DLG2: variants seen among roughly 807,000 people sequenced by gnomAD.
DLG2 encodes discs large MAGUK scaffold protein 2.
In DLG2, 45 loss-of-function variants were observed where a neutral mutation model predicts 132.5. The ratio of observed to expected loss-of-function variants is 0.34; its 90% CI spans 0.27 to 0.44. DLG2 has a LOEUF of 0.44. DLG2 is among the 20% of genes least tolerant of loss of function. The pLI, the probability that DLG2 is intolerant of heterozygous loss-of-function variation, is 1.00. For synonymous variants in DLG2, 424 were observed against 419.6 expected (o/e 1.01, Z -0.13); for missense variants, 1,045 against 1,196.9 (o/e 0.87, Z 1.87).
intron 7 of DLG2, among the ~76,000 whole-genome samples, chr11:84,523,829 C>A (rs1293919331): frequency 6.6e-6 from 1 of 152,154 alleles, no homozygotes; most frequent in African/African-American, 2.4e-5. Context: ...TAACACTTAT[C>A]TAGAATTTTC....
At chr11:83,538,380 C>T (rs1045441857) in intron 20 of DLG2, among the ~76,000 whole-genome samples, 1 of 152,218 alleles carries the variant, frequency 6.6e-6, no homozygotes, top group African/African-American at 2.4e-5. Context: ...CAAACCTTTG[C>T]AGTTGCTCAT....
At chr11:84,769,825 C>T (rs1413983799) in intron 6 of DLG2, among the ~76,000 whole-genome samples, 1 of 152,140 alleles carries the variant, frequency 6.6e-6, no homozygotes, top group Non-Finnish European at 1.5e-5. Flanking sequence ...GGTGCCTATT[C>T]CTAAAGAAAA....
intron 16 of DLG2, among the ~76,000 whole-genome samples, chr11:83,852,280 G>A (rs1213250780): frequency 6.6e-6 from 1 of 152,214 alleles, no homozygotes; most frequent in Non-Finnish European, 1.5e-5. Flanking sequence ...CCTGCCTAGA[G>A]GGGCAAAAGG....
chr11:85,607,848 G>A (rs550309203), intron 2 of DLG2, among the ~76,000 whole-genome samples: 1 of 152,290 alleles, frequency 6.6e-6, no homozygotes, highest in East Asian at 1.9e-4. Flanking sequence ...CTCAGGGTAT[G>A]GCCCTCCACT....
At chr11:84,674,074 T>A (rs2099708824) in intron 6 of DLG2, among the ~76,000 whole-genome samples, 1 of 152,160 alleles carries the variant, frequency 6.6e-6, no homozygotes, top group South Asian at 2.1e-4. Flanking sequence ...AAAACTTTTC[T>A]AGAACTGAAA....
chr11:84,606,409 A>G (rs2099585779), intron 6 of DLG2, among the ~76,000 whole-genome samples: 1 of 152,116 alleles, frequency 6.6e-6, no homozygotes, highest in Non-Finnish European at 1.5e-5. Context: ...CCAAAATATA[A>G]ATTATAATTG....
In DLG2 at chr11:84,894,268, G is replaced by A. The variant is rs534862191; in HGVS notation, c.357+217393C>T. Among the ~76,000 whole-genome samples, 37 of 152,156 alleles carry A rather than the reference G, an allele frequency of 2.4e-4. 2 individuals carry two copies. Among genetic ancestry groups the A allele is most frequent in the African/African-American group, 8.2e-4 (34 of 41,508 alleles). On this transcript the variant is annotated intron_variant, in intron 6 of 27. Coordinates refer to ENST00000376104, the MANE Select transcript of DLG2 (RefSeq NM_001142699.3). ...TGTTAATCAGTGTATGTTCCTAGGA[G>A]GACAGTATTTAAAAAGCAGAAATCT...
chr11:84,767,928 C>G (rs2068666927), intron 6 of DLG2, among the ~76,000 whole-genome samples: 1 of 151,990 alleles, frequency 6.6e-6, no homozygotes, highest in Non-Finnish European at 1.5e-5. Flanking sequence ...CATGTATTAT[C>G]AGGAGAAATC....
At chr11:83,846,318 A>T (rs1335229603) in intron 16 of DLG2, among the ~76,000 whole-genome samples, 1 of 152,204 alleles carries the variant, frequency 6.6e-6, no homozygotes, top group Admixed American at 6.5e-5. Flanking sequence ...CTGGGAAGGA[A>T]CATGGATGCC....
At chr11:85,316,258 G>A (rs933874244) in intron 3 of DLG2, among the ~76,000 whole-genome samples, 2 of 151,910 alleles carry the variant, frequency 1.3e-5, no homozygotes, top group Non-Finnish European at 2.9e-5. Flanking sequence ...TGTCGCTAGT[G>A]TAATTAATTT....
intron 6 of DLG2, among the ~76,000 whole-genome samples, chr11:85,019,791 C>T (rs985317037): frequency 3.3e-5 from 5 of 152,278 alleles, no homozygotes; most frequent in South Asian, 4.1e-4. Flanking sequence ...CTACAAAGGA[C>T]ATGAACTCAT....
chr11:84,664,346 A>G (rs779923654), intron 6 of DLG2, among the ~76,000 whole-genome samples: 1 of 152,202 alleles, frequency 6.6e-6, no homozygotes, highest in Non-Finnish European at 1.5e-5. Flanking sequence ...ATTACAAATT[A>G]TATTTCAAAT....
At chr11:84,788,688 C>G (rs2073340105) in intron 6 of DLG2, among the ~76,000 whole-genome samples, 1 of 152,050 alleles carries the variant, frequency 6.6e-6, no homozygotes, top group South Asian at 2.1e-4. Context: ...TTACTTATCT[C>G]TCCTACTACA....
intron 6 of DLG2, among the ~76,000 whole-genome samples, chr11:84,568,628 G>A (rs1349354198): frequency 6.6e-6 from 1 of 152,148 alleles, no homozygotes; most frequent in Non-Finnish European, 1.5e-5. Flanking sequence ...TAGTATCTAT[G>A]CCCAGCCTTA....
At chr11:85,170,611 C>A (rs1170822635) in intron 4 of DLG2, among the ~76,000 whole-genome samples, 1 of 152,100 alleles carries the variant, frequency 6.6e-6, no homozygotes, top group African/African-American at 2.4e-5. Context: ...CCCAACACTA[C>A]AAAATTCAAG....
At chr11:84,888,800 G>T (rs1227764123) in intron 6 of DLG2, among the ~76,000 whole-genome samples, 3 of 152,002 alleles carry the variant, frequency 2.0e-5, no homozygotes, top group Non-Finnish European at 4.4e-5. Context: ...GGCTGGTTCT[G>T]CTATCATCTA....
At position 85,611,133 on chromosome 11, in the gene DLG2, C is replaced by T. The variant is rs578174071; in HGVS notation, c.-92-12345G>A. ...CTTACGCAGGCTCATGGGATGAACCCCCAACCAGTGGCATACCTAAGTAAG... is the reference window on the plus strand; with the variant it reads ...CTTACGCAGGCTCATGGGATGAACCTCCAACCAGTGGCATACCTAAGTAAG... On this transcript the variant is annotated intron_variant, in intron 2 of 27. Transcript: ENST00000376104. 2.0e-5 allele frequency among the ~76,000 whole-genome samples: 3 copies of T among 152,288 alleles called. No individual in the cohort carries two copies. In the South Asian group the frequency reaches 6.2e-4, roughly 32 times the overall value.
chr11:85,592,259 A>AT (rs2079406398), intron 3 of DLG2, among the ~76,000 whole-genome samples: 1 of 152,230 alleles, frequency 6.6e-6, no homozygotes, highest in African/African-American at 2.4e-5. Flanking sequence ...AACTATTATT[A>AT]TTCAATTGCA....
intron 10 of DLG2, among the ~76,000 whole-genome samples, chr11:84,095,923 C>T (rs1248056075): frequency 6.6e-6 from 1 of 151,980 alleles, no homozygotes; most frequent in Non-Finnish European, 1.5e-5. Flanking sequence ...GGCCCTGGCT[C>T]CAGGAAGCCA....
Sources: allele counts gnomAD v4.1 joint callset (sites outside exome capture counted in the v4.1 genomes callset), GRCh38; gene constraint gnomAD v4.1.1; transcripts MANE v1.5; gene names NCBI Gene and HGNC (gene_info 2026-07-23, HGNC 2026-07-21).